The following DNAH2 variants were observed in gnomAD, a reference collection of about 807,000 sequenced individuals.
The protein encoded by DNAH2 is axonemal beta dynein heavy chain 2.
A neutral mutation model predicts 523.5 loss-of-function variants in DNAH2; 323 were observed. The observed-to-expected ratio is 0.62, with a 90% CI of 0.56 to 0.68. The LOEUF (loss-of-function observed/expected upper bound fraction) is 0.68. DNAH2 is among the 30% of genes least tolerant of loss of function. The pLI, the probability that DNAH2 is intolerant of heterozygous loss-of-function variation, is 0.00. For missense variants in DNAH2, 4,907 were observed against 5,701.5 expected (o/e 0.86, Z 4.49); for synonymous variants, 2,093 against 2,177.4 (o/e 0.96, Z 1.08).
chr17:7,830,610 T>A, intron 78 of DNAH2, 48 bp from the exon 79 acceptor site: 1 of 1,610,560 alleles, frequency 6.2e-7, no homozygotes, highest in Non-Finnish European at 8.5e-7. Flanking sequence ...TTGGCAGATT[T>A]CCTGCCATAA....
intron 61 of DNAH2, among the ~76,000 whole-genome samples, chr17:7,805,768 C>T (rs1162718880): frequency 1.3e-5 from 2 of 151,960 alleles, no homozygotes; most frequent in African/African-American, 4.8e-5. Flanking sequence ...GCAGGAGGAT[C>T]GTTTAAACCT....
intron 63 of DNAH2, among the ~76,000 whole-genome samples, chr17:7,811,727 C>T (rs2077523447): frequency 6.6e-6 from 1 of 152,166 alleles, no homozygotes; most frequent in African/African-American, 2.4e-5. Context: ...CCCCCGTGAC[C>T]TAATCACCTC....
At position 7,786,445 on chromosome 17, in the gene DNAH2, A is replaced by G. The variant is rs1195419677; in HGVS notation, c.6348+103A>G. 9 of 1,482,224 alleles carry G rather than the reference A, an allele frequency of 6.1e-6. No homozygotes were observed. The African/African-American group carries it at 9.6e-5, about 16-fold the overall frequency. 91.8% of individuals were successfully genotyped at this position (1,482,224 alleles called of 1,614,324 possible). On this transcript the variant is annotated intron_variant, in intron 40 of 85. Transcript: ENST00000572933. This position sits in a 1 kb window ranked among gnomAD's most constrained non-coding sequence, Gnocchi z 7.5. ...GACCTTGCAAGGCCGGGAGAGCTGTACCTGGGACCATGGTGGCCTGGAGCG... is the reference window on the plus strand; with the variant it reads ...GACCTTGCAAGGCCGGGAGAGCTGTGCCTGGGACCATGGTGGCCTGGAGCG...
In DNAH2 at chr17:7,807,316, G is replaced by A. The variant is rs2151303804; in HGVS notation, c.9609G>A (p.Met3203Ile). ...AKSLCMWVRA[M>I]ELYGRLYRVV... Reference sequence around the variant, plus strand: ...CCCTCTGCATGTGGGTGCGGGCCATGGAGGTAAAGGCGTCAGGGCTGGGGC... The same window carrying A: ...CCCTCTGCATGTGGGTGCGGGCCATAGAGGTAAAGGCGTCAGGGCTGGGGC... Residue 3203 changes from methionine to isoleucine, a missense_variant, in exon 62 of 86, where the codon ATG becomes ATA. Met to Ile is a conservative substitution (Grantham distance 10). Transcript: ENST00000572933. This position sits in a 1 kb window ranked among gnomAD's most constrained non-coding sequence, Gnocchi z 5.6. The A allele has an allele frequency of 4.3e-6, 7 of 1,612,776 alleles. No individual in the cohort carries two copies. The East Asian group carries it at 8.9e-5, about 21-fold the overall frequency.
Position 7,782,848 on chromosome 17 carries a change from A to G in DNAH2, c.6129+1681A>G, listed in dbSNP as rs1429819190. Among the ~76,000 whole-genome samples the G allele has an allele frequency of 1.3e-4, 15 of 116,580 alleles. No individual in the cohort carries two copies. In the Admixed American group the frequency reaches 1.5e-3, roughly 12 times the overall value. 76.5% of individuals were successfully genotyped at this position (116,580 alleles called of 152,430 possible). A position where few individuals can be genotyped will look rare whatever the true frequency, so the allele number is the denominator to read the frequency against. ...ATGGAGGTGTGCTCCTGTAGTCACA[A>G]CTACTTTCTCCAAAAGCTACTAGAA... On this transcript the variant is annotated intron_variant, in intron 39 of 85. Transcript: ENST00000572933.
chr17:7,759,104 T>G lies in DNAH2; in HGVS notation c.2428T>G (p.Phe810Val), dbSNP rs765186921. 75 of 1,614,012 alleles carry G rather than the reference T, an allele frequency of 4.6e-5. No individual in the cohort carries two copies. Among genetic ancestry groups the G allele is most frequent in the Non-Finnish European group, 5.7e-5 (67 of 1,180,016 alleles). ...CATCATGACCAACTCCTATGAGGTC[T>G]TCAAGAATGATGGTCCTGAGGTAGG... ...VTIMTNSYEVFKNDGPEIQQQ... is the reference protein window; with the variant it reads ...VTIMTNSYEVVKNDGPEIQQQ... Residue 810 changes from phenylalanine (F) to valine (V), a missense_variant, in exon 15 of 86, where the codon TTC (phenylalanine) becomes GTC (valine). Transcript: ENST00000572933.
rs1180414947 is a variant in DNAH2, at chr17:7,765,475, C to G, written c.3421C>G (p.His1141Asp). The change falls in exon 21 of 86, where the codon CAC (histidine) becomes GAC (aspartate). Residue 1141 changes from histidine to aspartate, a missense_variant. His to Asp is a moderately conservative substitution (Grantham distance 81). Coordinates refer to ENST00000572933, the MANE Select transcript of DNAH2 (RefSeq NM_020877.5). ...LLDSKQMLKK[H>D]KEKFKTGLIH... ...GGACAGTAAGCAAATGCTGAAGAAA[C>G]ACAAGGAGAAATTCAAGACAGGCCT... 1.9e-6 allele frequency: 3 copies of G among 1,614,114 alleles called. No individual in the cohort carries two copies. The highest frequency in any genetic ancestry group is 2.5e-6 in the Non-Finnish European group (3 of 1,180,058).
Position 7,768,067 on chromosome 17 carries a change from G to A in DNAH2, c.3837+6G>A, listed in dbSNP as rs767035945. 1 of 1,614,068 alleles carries A rather than the reference G, an allele frequency of 6.2e-7. No homozygotes were observed. On this transcript the variant is annotated splice_donor_region_variant and intron_variant, in intron 23 of 85. Coordinates refer to ENST00000572933, the MANE Select transcript of DNAH2 (RefSeq NM_020877.5). Reference sequence around the variant, plus strand: ...AATTAGCCAAAGAGTATAAGGTGGGGAGAAACGGCGGGGAGGCGGAAGAGA... The same window carrying A: ...AATTAGCCAAAGAGTATAAGGTGGGAAGAAACGGCGGGGAGGCGGAAGAGA...
At chr17:7,773,026 G>A (rs561034363) in intron 28 of DNAH2, among the ~76,000 whole-genome samples, 114 of 151,944 alleles carry the variant, frequency 7.5e-4, no homozygotes, top group African/African-American at 2.6e-3. Context: ...CACCCACCTC[G>A]GCCTCCCAAA....
Position 7,740,456 on chromosome 17 carries a change from C to T in DNAH2, c.1413C>T (p.Thr471=). The T allele has an allele frequency of 6.2e-7, 1 of 1,614,174 alleles. No homozygotes were observed. Among genetic ancestry groups the T allele is most frequent in the Non-Finnish European group, 8.5e-7 (1 of 1,180,022 alleles). Residue 471 remains threonine (T), a synonymous_variant, in exon 10 of 86, where the codon ACC becomes ACT. Coordinates refer to ENST00000572933, the MANE Select transcript of DNAH2 (RefSeq NM_020877.5). ...RAGIKDLEVM[T]QNLITSAFEL... The stretch of plus-strand genomic sequence containing the variant: ...GAATCAAGGACCTGGAGGTGATGAC[C>T]CAGAACCTGATCACCTCAGCCTTCG...
At chr17:7,724,843 A>G (rs2074745475) in intron 3 of DNAH2, among the ~76,000 whole-genome samples, 1 of 147,690 alleles carries the variant, frequency 6.8e-6, no homozygotes, top group Non-Finnish European at 1.5e-5. Context: ...CTGGGGTTCA[A>G]GTGATTCTCC....
chr17:7,731,271 G>A (rs2151132809), intron 4 of DNAH2, among the ~76,000 whole-genome samples: 1 of 152,126 alleles, frequency 6.6e-6, no homozygotes, highest in Admixed American at 6.5e-5. Flanking sequence ...TCTGGATTGG[G>A]TCTTTCAAAG....
At chr17:7,740,034 T>G (rs1597490799) in intron 9 of DNAH2, 96 bp downstream of exon 9, 30 of 931,482 alleles carry the variant, frequency 3.2e-5, no homozygotes, top group Admixed American at 3.0e-4. Context: ...AAGGAAATGG[T>G]GGAAGGACAG....
rs779681615 is a variant in DNAH2, at chr17:7,819,075, G to A, written c.10815+12G>A. ...ACTTGGCGCGGGAGGTAAGCTCCCGGCCCTCCAGTCCTGCCTCCCACCAGC... is the reference window on the plus strand; with the variant it reads ...ACTTGGCGCGGGAGGTAAGCTCCCGACCCTCCAGTCCTGCCTCCCACCAGC... On this transcript the variant is annotated intron_variant, in intron 71 of 85. Transcript: ENST00000572933. The A allele has an allele frequency of 6.2e-7, 1 of 1,601,254 alleles. No individual in the cohort carries two copies. The highest frequency in any genetic ancestry group is 2.2e-5 in the East Asian group (1 of 44,666).
At position 7,786,831 on chromosome 17, in the gene DNAH2, G is replaced by A; in HGVS notation, c.6467-66G>A. On this transcript the variant is annotated intron_variant, in intron 41 of 85. Coordinates refer to ENST00000572933, the MANE Select transcript of DNAH2 (RefSeq NM_020877.5). This position sits in a 1 kb window ranked among gnomAD's most constrained non-coding sequence, Gnocchi z 7.5. ...AGGGAGTGTAGGCTTGTGTCTCCGA[G>A]GAGCGTGAGCGGAGGGTGCAAGGTG... 1 of 1,609,820 alleles carries A rather than the reference G, an allele frequency of 6.2e-7. No homozygotes were observed. Among genetic ancestry groups the A allele is most frequent in the South Asian group, 1.1e-5 (1 of 90,888 alleles).
chr17:7,817,173 A>G lies in DNAH2; in HGVS notation c.9895-117A>G. 3.6e-6 allele frequency: 5 copies of G among 1,380,540 alleles called. No homozygotes were observed. The South Asian group carries it at 6.2e-5, about 17-fold the overall frequency. The allele number at this position is 1,380,540 out of a possible 1,614,324, so 85.5% of individuals were successfully genotyped here. A position where few individuals can be genotyped will look rare whatever the true frequency, so the allele number is the denominator to read the frequency against. On this transcript the variant is annotated intron_variant, in intron 64 of 85. Coordinates refer to ENST00000572933, the MANE Select transcript of DNAH2 (RefSeq NM_020877.5). ...TTGTCAGGACACACAGGTTTAGGGG[A>G]GGGAAAGATCCTCTTTGAACCTGAC...
chr17:7,733,793 T>C lies in DNAH2; in HGVS notation c.629-390T>C, dbSNP rs147928940. On this transcript the variant is annotated intron_variant, in intron 5 of 85. Transcript: ENST00000572933. ...CACCCTGCCAAGATCCGCTTTCTAA[T>C]CCAGACACACTTTTCTGTTGTGGAA... is the stretch of plus-strand genomic sequence containing the variant. Among the ~76,000 whole-genome samples the C allele has an allele frequency of 1.1e-3, 173 of 152,136 alleles. 4 individuals are homozygous for C. The highest frequency in any genetic ancestry group is 3.4e-3 in the Middle Eastern group (1 of 294).
rs906618426 is a variant in DNAH2 at position 7,766,302 on chromosome 17, C to T, written c.3512-16C>T. On this transcript the variant is annotated splice_polypyrimidine_tract_variant and intron_variant, in intron 21 of 85. Transcript: ENST00000572933. ...ACGTGAGCGGGAAGCTGAGCTTCAT[C>T]CTGAATCCTCCACAGGCCATTTCAC... The T allele has an allele frequency of 6.2e-7, 1 of 1,609,206 alleles. No homozygotes were observed. Among genetic ancestry groups the T allele is most frequent in the South Asian group, 1.1e-5 (1 of 90,774 alleles).
intron 12 of DNAH2, among the ~76,000 whole-genome samples, chr17:7,745,304 C>T (rs1412627576): frequency 1.3e-5 from 2 of 152,006 alleles, no homozygotes; most frequent in Non-Finnish European, 2.9e-5. Flanking sequence ...CAAGTATTTA[C>T]ATTTCAAATA....
Sources: gnomAD v4.1 joint callset for allele counts (sites outside exome capture counted in the v4.1 genomes callset) on GRCh38, gnomAD v4.1.1 for gene constraint, Gnocchi (gnomAD v3.1) non-coding constraint, MANE v1.5 for transcripts, NCBI Gene and HGNC (gene_info 2026-07-23, HGNC 2026-07-21) for gene names.